The following CAPN9 variants were observed in gnomAD, a reference collection of about 807,000 sequenced individuals.
CAPN9 encodes the protein calpain-9.
CAPN9 carries 81 observed loss-of-function variants against 92.8 expected under a neutral mutation model. The observed-to-expected ratio is 0.87, with a 90% CI of 0.73 to 1.05. The LOEUF (loss-of-function observed/expected upper bound fraction) is 1.05. Among genes scored for constraint, CAPN9 ranks in the 50% least tolerant of loss-of-function variants. The pLI is 0.00. For missense variants in CAPN9, 848 were observed against 866.2 expected (o/e 0.98, Z 0.26); for synonymous variants, 304 against 328.0 (o/e 0.93, Z 0.79).
intron 8 of CAPN9, among the ~76,000 whole-genome samples, chr1:230,775,758 A>T (rs1206215821): frequency 1.3e-5 from 2 of 152,106 alleles, no homozygotes; most frequent in East Asian, 3.9e-4. Context: ...CCTGCTAAAA[A>T]TACAAAAAAT....
rs368103164 is a variant in CAPN9, at chr1:230,779,140, A to G, written c.1114+7A>G. 6.8e-6 allele frequency: 11 copies of G among 1,611,550 alleles called. No individual in the cohort carries two copies. The highest frequency in any genetic ancestry group is 6.7e-5 in the Admixed American group (4 of 59,974). On this transcript the variant is annotated splice_region_variant and intron_variant, in intron 9 of 19. Transcript: ENST00000271971. ...GGCTGCCGCAATTTCCTGGGTAGGT[A>G]GGCTGCCTGTCACTCTCTCTGCCAC...
chr1:230,795,460 C>T (rs893616844), intron 18 of CAPN9, 181 bp downstream of exon 18: 13 of 550,046 alleles, frequency 2.4e-5, no homozygotes, highest in African/African-American at 2.3e-4. Flanking sequence ...TGCCAGCCTC[C>T]CCTGCAGCAC....
rs201069206 is a variant in CAPN9, at chr1:230,790,157, T to C, written c.1625T>C (p.Leu542Pro). Residue 542 changes from leucine (L) to proline (P), a missense_variant, in exon 14 of 20, where the codon CTT becomes CCT. By Grantham distance (98) the Leu-to-Pro change is moderately conservative (BLOSUM62 -3). Coordinates refer to ENST00000271971, the MANE Select transcript of CAPN9 (RefSeq NM_006615.3). ...GEDMEVTAEE[L>P]EYVLNAVLQK... is the part of the protein sequence containing the mutation. ...GACATGGAGGTGACAGCAGAGGAAC[T>C]TGAGTATGTTTTAAATGCTGTGCTG... The C allele has an allele frequency of 2.3e-5, 37 of 1,613,988 alleles. No individual in the cohort carries two copies. The highest frequency in any genetic ancestry group is 3.0e-5 in the Non-Finnish European group (35 of 1,179,976).
At chr1:230,748,405 A>C (rs918175667) in intron 1 of CAPN9, among the ~76,000 whole-genome samples, 16 of 152,124 alleles carry the variant, frequency 1.1e-4, no homozygotes, top group Admixed American at 1.0e-3. Flanking sequence ...GCTGGCTTCC[A>C]TTCCCTCCAG....
intron 1 of CAPN9, among the ~76,000 whole-genome samples, chr1:230,750,339 T>C (rs1319361770): frequency 6.6e-6 from 1 of 152,222 alleles, no homozygotes; most frequent in Admixed American, 6.5e-5. Context: ...CACAGACTCA[T>C]TTTCAGAATC....
rs1485147063 is a variant in CAPN9, at chr1:230,800,280, AAG to A, written c.2047-1288_2047-1287del. On this transcript the variant is annotated intron_variant, in intron 19 of 19. Transcript: ENST00000271971. ...AAAGAAAGAAAGAAAGAAAGAAAGA[AAG>A]AAAGAAAGAAAGAAAGAAAGAAAGG... Among the ~76,000 whole-genome samples, 10 of 134,604 alleles carry A rather than the reference AAG, an allele frequency of 7.4e-5. 1 individual carries two copies. Among genetic ancestry groups the A allele is most frequent in the African/African-American group, 2.6e-4 (9 of 35,128 alleles). The allele number at this position is 134,604 out of a possible 152,430, so 88.3% of individuals were successfully genotyped here.
At position 230,801,624 on chromosome 1, in the gene CAPN9, C is replaced by T. The variant is rs113816119; in HGVS notation, c.*28C>T. 3 of 1,607,824 alleles carry T rather than the reference C, an allele frequency of 1.9e-6. No individual in the cohort carries two copies. The highest frequency in any genetic ancestry group is 1.3e-5 in the African/African-American group (1 of 74,908). On this transcript the variant is annotated 3_prime_UTR_variant, in exon 20 of 20. Transcript: ENST00000271971. ...CTGCCTTGTAGAGATGCAGCCTGCC[C>T]AGCTGAATCTTGGCTTCTGGACCTT...
intron 11 of CAPN9, among the ~76,000 whole-genome samples, chr1:230,781,828 T>C (rs1028289650): frequency 6.6e-6 from 1 of 152,208 alleles, no homozygotes. Context: ...GTGGCATGCA[T>C]TGAAAAGACT....
Position 230,795,168 on chromosome 1 carries a change from CAGCTG to C in CAPN9, c.1880_1884del (p.Leu627GlnfsTer14). The C allele has an allele frequency of 6.2e-7, 1 of 1,609,350 alleles. No individual in the cohort carries two copies. Among genetic ancestry groups the C allele is most frequent in the Non-Finnish European group, 8.5e-7 (1 of 1,176,426 alleles). On this transcript the variant is annotated frameshift_variant, in exon 18 of 20. Coordinates refer to ENST00000271971, the MANE Select transcript of CAPN9 (RefSeq NM_006615.3). LOFTEE classifies it high-confidence loss of function. The stretch of plus-strand genomic sequence containing the variant: ...CTCCTCCTTTGTCCCCACAGGCTTT[CAGCTG>C]AGCAGCCACCTCCTGCAGCTGATTG...
intron 3 of CAPN9, among the ~76,000 whole-genome samples, chr1:230,759,959 C>G (rs1298956265): frequency 6.6e-6 from 1 of 152,198 alleles, no homozygotes; most frequent in East Asian, 1.9e-4. Flanking sequence ...CCAATTATAC[C>G]TCCAGGAAAC....
chr1:230,791,991 A>G (rs531501667), intron 15 of CAPN9, 63 bp downstream of exon 15: 1 of 1,148,266 alleles, frequency 8.7e-7, no homozygotes, highest in South Asian at 1.2e-5. Context: ...ACAGTAGAGT[A>G]ATCTTCAATA....
intron 1 of CAPN9, among the ~76,000 whole-genome samples, chr1:230,750,053 A>G (rs967027018): frequency 1.3e-4 from 20 of 152,112 alleles, no homozygotes; most frequent in African/African-American, 4.6e-4. Flanking sequence ...CAGGGCCACC[A>G]AGGCCTGCCC....
intron 16 of CAPN9, 117 bp from the exon 17 acceptor site, chr1:230,792,733 G>A (rs1169006496): frequency 1.1e-6 from 1 of 873,648 alleles, no homozygotes; most frequent in Non-Finnish European, 1.9e-6. Context: ...CAGTCCAACT[G>A]TGGCCTCTGC....
intron 7 of CAPN9, among the ~76,000 whole-genome samples, chr1:230,773,104 C>T (rs1666498159): frequency 1.3e-5 from 2 of 152,146 alleles, no homozygotes; most frequent in Non-Finnish European, 2.9e-5. Flanking sequence ...AGTCCAGACA[C>T]AGCTACCAGG....
Position 230,747,489 on chromosome 1 carries a change from G to C in CAPN9, c.-8G>C. The C allele has an allele frequency of 2.5e-6, 4 of 1,613,284 alleles. No homozygotes were observed. The highest frequency in any genetic ancestry group is 3.4e-6 in the Non-Finnish European group (4 of 1,179,500). On this transcript the variant is annotated 5_prime_UTR_variant, in exon 1 of 20. Transcript: ENST00000271971. ...GCCGGACCCAAGCCAGCCTTCCAGG[G>C]AGCAGCCATGCCTTACCTCTACCGG...
chr1:230,778,873 AGAT>A lies in CAPN9; in HGVS notation c.954-96_954-94del. On this transcript the variant is annotated intron_variant, in intron 8 of 19. Transcript: ENST00000271971. ...CCCCCACTCCTTGCGGACAGGAACAAGATGATTTAATGAATAAGTGAATGATTT... is the reference window on the plus strand; with the variant it reads ...CCCCCACTCCTTGCGGACAGGAACAAGATTTAATGAATAAGTGAATGATTT... 4 of 1,131,600 alleles carry A rather than the reference AGAT, an allele frequency of 3.5e-6. No homozygotes were observed. In the South Asian group the frequency reaches 6.2e-5, roughly 18 times the overall value. The allele number at this position is 1,131,600 out of a possible 1,614,324, so 70.1% of individuals were successfully genotyped here.
intron 11 of CAPN9, among the ~76,000 whole-genome samples, chr1:230,783,386 T>C (rs1305539987): frequency 6.6e-6 from 1 of 152,194 alleles, no homozygotes; most frequent in Non-Finnish European, 1.5e-5. Context: ...TCCCCAATGT[T>C]GGAGGTGGAG....
At position 230,790,156 on chromosome 1, in the gene CAPN9, C is replaced by A. The variant is rs748610124; in HGVS notation, c.1624C>A (p.Leu542Ile). 20 of 1,614,048 alleles carry A rather than the reference C, an allele frequency of 1.2e-5. No homozygotes were observed. Among genetic ancestry groups the A allele is most frequent in the Non-Finnish European group, 1.6e-5 (19 of 1,179,934 alleles). ...GGACATGGAGGTGACAGCAGAGGAACTTGAGTATGTTTTAAATGCTGTGCT... is the reference window on the plus strand; with the variant it reads ...GGACATGGAGGTGACAGCAGAGGAAATTGAGTATGTTTTAAATGCTGTGCT... ...GEDMEVTAEE[L>I]EYVLNAVLQK... The change falls in exon 14 of 20, where the codon CTT becomes ATT. Residue 542 changes from leucine (L) to isoleucine (I), a missense_variant. Transcript: ENST00000271971.
chr1:230,770,896 C>A (rs1309121928), intron 6 of CAPN9, among the ~76,000 whole-genome samples: 1 of 152,186 alleles, frequency 6.6e-6, no homozygotes, highest in Non-Finnish European at 1.5e-5. Flanking sequence ...AGACCCTGCC[C>A]TTCCTCCTCA....
Sources: gnomAD v4.1 joint callset for allele counts (sites outside exome capture counted in the v4.1 genomes callset) on GRCh38, gnomAD v4.1.1 for gene constraint, MANE v1.5 for transcripts, NCBI Gene and HGNC (gene_info 2026-07-23, HGNC 2026-07-21) for gene names.